Variants in FLT1 observed in about 807,000 individuals in gnomAD.
FLT1 encodes the protein vascular endothelial growth factor receptor 1.
FLT1 carries 49 observed loss-of-function variants against 156.3 expected under a neutral mutation model. The observed-to-expected ratio is 0.31, with a 90% CI of 0.25 to 0.40. The LOEUF is 0.40. FLT1 is among the 10% of genes least tolerant of loss of function. The probability of loss-of-function intolerance (pLI) is 1.00; values close to 1 mark genes in which losing one functional copy is unlikely to be tolerated. For missense variants in FLT1, 1,322 were observed against 1,637.2 expected (o/e 0.81, Z 3.32); for synonymous variants, 594 against 583.8 (o/e 1.02, Z -0.25).
At chr13:28,422,029 C>T (rs1407675824) in intron 10 of FLT1, among the ~76,000 whole-genome samples, 1 of 152,142 alleles carries the variant, frequency 6.6e-6, no homozygotes, top group Non-Finnish European at 1.5e-5. Context: ...AAGTAATCAC[C>T]AAATATGTTT....
At chr13:28,379,319 G>A (rs1452745809) in intron 14 of FLT1, among the ~76,000 whole-genome samples, 12 of 152,126 alleles carry the variant, frequency 7.9e-5, no homozygotes, top group South Asian at 2.1e-4. Flanking sequence ...GAGCGACAGC[G>A]CAAGACTCCA....
intron 1 of FLT1, among the ~76,000 whole-genome samples, chr13:28,474,237 C>T (rs1199678701): frequency 1.3e-5 from 2 of 152,150 alleles, no homozygotes; most frequent in Non-Finnish European, 2.9e-5. Flanking sequence ...AGCTGTATCA[C>T]CTGAGGTCAG....
At chr13:28,489,936 A>G (rs1442335081) in intron 1 of FLT1, among the ~76,000 whole-genome samples, 1 of 152,218 alleles carries the variant, frequency 6.6e-6, no homozygotes, top group African/African-American at 2.4e-5. Context: ...AAATAGAAGA[A>G]AACTTCATAT....
At chr13:28,433,130 C>T (rs1430320262) in intron 6 of FLT1, among the ~76,000 whole-genome samples, 3 of 152,172 alleles carry the variant, frequency 2.0e-5, no homozygotes, top group Admixed American at 2.0e-4. Context: ...AGATATGCCG[C>T]ATAAATCATG....
chr13:28,433,251 G>A (rs1365537496), intron 6 of FLT1, among the ~76,000 whole-genome samples: 2 of 152,150 alleles, frequency 1.3e-5, no homozygotes, highest in Non-Finnish European at 2.9e-5. Flanking sequence ...AAGGATGTTC[G>A]ATTTGAATAA....
At chr13:28,411,414 G>A (rs1398637085) in intron 10 of FLT1, among the ~76,000 whole-genome samples, 3 of 151,984 alleles carry the variant, frequency 2.0e-5, no homozygotes, top group East Asian at 1.9e-4. Flanking sequence ...TTAGCTAGGT[G>A]TGGTGGCCTG....
intron 23 of FLT1, among the ~76,000 whole-genome samples, 153 bp downstream of exon 23, chr13:28,321,310 C>T (rs904771899): frequency 8.5e-5 from 13 of 152,170 alleles, no homozygotes; most frequent in African/African-American, 3.1e-4. Flanking sequence ...CACAAGGGCT[C>T]TCTGGGATGC....
chr13:28,389,699 C>A (rs1181926233), intron 13 of FLT1, 97 bp downstream of exon 13: 2 of 1,597,588 alleles, frequency 1.3e-6, no homozygotes, highest in South Asian at 1.1e-5. Flanking sequence ...TTAATGAGTC[C>A]TTTAATGTTT....
chr13:28,430,228 G>A, intron 7 of FLT1, 61 bp from the exon 8 acceptor site: 12 of 1,211,624 alleles, frequency 9.9e-6, no homozygotes, highest in Non-Finnish European at 1.5e-5. Flanking sequence ...CAAAACCTTA[G>A]GGCCTCATTC....
At chr13:28,332,697 G>C (rs1171811874) in intron 18 of FLT1, among the ~76,000 whole-genome samples, 1 of 152,202 alleles carries the variant, frequency 6.6e-6, no homozygotes, top group Non-Finnish European at 1.5e-5. Context: ...CCTTGCAGAG[G>C]CTATTTAACC....
At chr13:28,466,764 C>G (rs1222724787) in intron 3 of FLT1, 139 bp downstream of exon 3, 1 of 721,954 alleles carries the variant, frequency 1.4e-6, no homozygotes, top group African/African-American at 1.7e-5. Context: ...ACGAAAGTGT[C>G]TACAACTAGG....
intron 10 of FLT1, among the ~76,000 whole-genome samples, chr13:28,415,946 A>T (rs567307485): frequency 6.6e-6 from 1 of 152,308 alleles, no homozygotes; most frequent in African/African-American, 2.4e-5. Flanking sequence ...TCTTGTCAGG[A>T]CATTAGTGTG....
chr13:28,485,512 G>C (rs1395398914), intron 1 of FLT1, among the ~76,000 whole-genome samples: 1 of 152,038 alleles, frequency 6.6e-6, no homozygotes, highest in Non-Finnish European at 1.5e-5. Context: ...AAGACATTAT[G>C]TAGCATTTAT....
At chr13:28,394,328 G>C (rs556454619) in intron 12 of FLT1, among the ~76,000 whole-genome samples, 1 of 152,320 alleles carries the variant, frequency 6.6e-6, no homozygotes, top group African/African-American at 2.4e-5. Flanking sequence ...TGAGCTTCAA[G>C]TAGGTATGTC....
Position 28,300,523 on chromosome 13 carries a change from A to ACACACC in FLT1, c.*2643_*2644insGGTGTG, listed in dbSNP as rs879763229. The ACACACC allele has an allele frequency of 0.097, 1,423 of 14,684 alleles. 3 individuals are homozygous for ACACACC. Among genetic ancestry groups the ACACACC allele is most frequent in the East Asian group, 0.28 (449 of 1,582 alleles). The allele number at this position is 14,684 out of a possible 1,614,324, so 0.9% of individuals were successfully genotyped here. On this transcript the variant is annotated 3_prime_UTR_variant, in exon 30 of 30. Transcript: ENST00000282397. Reference sequence around the variant, plus strand: ...TTATGCACAAAACACACATACACCCACACACACACACACACACACACACAC... The same window carrying ACACACC: ...TTATGCACAAAACACACATACACCCACACACCCACACACACACACACACACACACAC...
At chr13:28,424,545 A>G (rs909825342) in intron 10 of FLT1, among the ~76,000 whole-genome samples, 5 of 152,234 alleles carry the variant, frequency 3.3e-5, no homozygotes, top group South Asian at 2.1e-4. Context: ...GACACTAAAT[A>G]ATTTGAGTTA....
At position 28,430,027 on chromosome 13, in the gene FLT1, T is replaced by A. The variant is rs374148779; in HGVS notation, c.1106+23A>T. On this transcript the variant is annotated intron_variant, in intron 8 of 29. Transcript: ENST00000282397. ...ACTTACAAAGTATGTCTTAAACTGT[T>A]ATGGAAATAAGGATGGTCCTACCAT... 12 of 1,438,316 alleles carry A rather than the reference T, an allele frequency of 8.3e-6. No individual in the cohort carries two copies. The African/African-American group carries it at 1.3e-4, about 15-fold the overall frequency. 89.1% of individuals were successfully genotyped at this position (1,438,316 alleles called of 1,614,324 possible). A position where few individuals can be genotyped will look rare whatever the true frequency, so the allele number is the denominator to read the frequency against.
intron 13 of FLT1, 91 bp from the exon 14 acceptor site, chr13:28,385,122 A>G: frequency 7.5e-7 from 1 of 1,324,780 alleles, no homozygotes; most frequent in Admixed American, 1.7e-5. Flanking sequence ...ACAGAGAAAC[A>G]GCAAAACTCA....
At chr13:28,316,730 A>G (rs1871222718) in intron 25 of FLT1, among the ~76,000 whole-genome samples, 1 of 149,050 alleles carries the variant, frequency 6.7e-6, no homozygotes, top group African/African-American at 2.5e-5. Flanking sequence ...TCTCCGCTTC[A>G]TAGGCTCAAG....
Sources: gnomAD v4.1 joint callset for allele counts (sites outside exome capture counted in the v4.1 genomes callset) on GRCh38, gnomAD v4.1.1 for gene constraint, MANE v1.5 for transcripts, NCBI Gene and HGNC (gene_info 2026-07-23, HGNC 2026-07-21) for gene names.